Variants in RMI1 observed in about 807,000 individuals in gnomAD.
RMI1 encodes the protein recQ-mediated genome instability protein 1.
Under a neutral mutation model 46.7 loss-of-function variants are expected in RMI1, and 36 were observed. The observed-to-expected ratio is 0.77, with a 90% CI of 0.59 to 1.02. The LOEUF (loss-of-function observed/expected upper bound fraction) is 1.02. Ranked by LOEUF, RMI1 falls within the 50% of genes least tolerant of loss-of-function variation. The pLI is 0.00. For missense variants in RMI1, 676 were observed against 713.7 expected (o/e 0.95, Z 0.60); for synonymous variants, 250 against 252.9 (o/e 0.99, Z 0.11).
Position 84,002,388 on chromosome 9 carries a change from AG to A in RMI1, c.1403del (p.Ser468IlefsTer4), listed in dbSNP as rs1181040616. The A allele has an allele frequency of 1.9e-6, 3 of 1,611,722 alleles. No homozygotes were observed. Among genetic ancestry groups the A allele is most frequent in the Non-Finnish European group, 2.5e-6 (3 of 1,178,408 alleles). ...TAATGAAAATGATTGTAATTTACAG[AG>A]TTGTTCTTTAAGATCATCAGAGAAT... ...ISNENDCNLQ[S>X]CSLRSSENSI... On this transcript the variant is annotated frameshift_variant, in exon 3 of 3. Transcript: ENST00000445877. LOFTEE classifies it high-confidence loss of function.
intron 1 of RMI1, 165 bp downstream of exon 1, chr9:83,981,056 C>G (rs1274878244): frequency 6.6e-6 from 1 of 152,306 alleles, no homozygotes; most frequent in African/African-American, 2.4e-5. Flanking sequence ...TTCGGAAACC[C>G]GTTGTTTGTA....
Position 84,002,747 on chromosome 9 carries a change from T to C in RMI1, c.1761T>C (p.Asp587=), listed in dbSNP as rs140827378. The change falls in exon 3 of 3, where the codon GAT becomes GAC. Residue 587 remains aspartate, a synonymous_variant. Coordinates refer to ENST00000445877, the MANE Select transcript of RMI1 (RefSeq NM_001358291.2). ...AGAAATGTCAAAGAGATCTAATAGA[T>C]TTGTGCTGTCTAATGACTATTTCAT... ...GLQKCQRDLI[D]LCCLMTISFN... is the part of the protein sequence containing the mutation. The C allele has an allele frequency of 3.7e-6, 6 of 1,613,724 alleles. No individual in the cohort carries two copies. The African/African-American group carries it at 5.3e-5, about 14-fold the overall frequency.
In RMI1 at chr9:83,985,958, G is replaced by A. The variant is rs139876358; in HGVS notation, c.-126+5067G>A. On this transcript the variant is annotated intron_variant, in intron 1 of 2. Transcript: ENST00000445877. The stretch of plus-strand genomic sequence containing the variant: ...CGGCAGGCTGAGTTTGCAGTGAGGC[G>A]AGATTGCACCACCGCACTCCAGCCT... Among the ~76,000 whole-genome samples, 1,213 of 152,048 alleles carry A rather than the reference G, an allele frequency of 8.0e-3. 31 individuals are homozygous for A. Among genetic ancestry groups the A allele is most frequent in the East Asian group, 0.034 (174 of 5,168 alleles).
rs1202231185 is a variant in RMI1 at position 84,001,297 on chromosome 9, A to G, written c.311A>G (p.Gln104Arg). Residue 104 changes from glutamine to arginine, a missense_variant, in exon 3 of 3, where the codon CAG (glutamine) becomes CGG (arginine). Gln to Arg is a conservative substitution (Grantham distance 43). Transcript: ENST00000445877. ...AGTCAGCCTGCATACTCCCAGATAC[A>G]GAAGTTGAGAGGAAAGAATACAACA... ...DVSQPAYSQI[Q>R]KLRGKNTTND... is the part of the protein sequence containing the mutation. 1.9e-6 allele frequency: 3 copies of G among 1,614,198 alleles called. No homozygotes were observed. Among genetic ancestry groups the G allele is most frequent in the Non-Finnish European group, 8.5e-7 (1 of 1,180,002 alleles).
intron 1 of RMI1, among the ~76,000 whole-genome samples, chr9:83,989,133 A>G (rs901258665): frequency 5.9e-5 from 9 of 152,220 alleles, no homozygotes; most frequent in African/African-American, 2.2e-4. Flanking sequence ...TGCCAGGCTT[A>G]TAGGTGTGAG....
chr9:83,992,526 A>G (rs1375434252), intron 1 of RMI1, among the ~76,000 whole-genome samples: 1 of 151,812 alleles, frequency 6.6e-6, no homozygotes, highest in Non-Finnish European at 1.5e-5. Context: ...AGACTTGTTT[A>G]TTGTATGAGA....
At chr9:83,990,357 C>A (rs895758580) in intron 1 of RMI1, among the ~76,000 whole-genome samples, 1 of 151,990 alleles carries the variant, frequency 6.6e-6, no homozygotes, top group South Asian at 2.1e-4. Flanking sequence ...ACTAAAAATA[C>A]AAAAATTAGC....
intron 1 of RMI1, among the ~76,000 whole-genome samples, chr9:83,982,489 C>T (rs909248485): frequency 5.3e-5 from 8 of 151,954 alleles, no homozygotes; most frequent in African/African-American, 1.9e-4. Context: ...TTGTGAAACC[C>T]CGTCTCTACT....
upstream of RMI1, chr9:83,980,385 C>A (rs1298570912): frequency 6.6e-6 from 1 of 152,634 alleles, no homozygotes; most frequent in Non-Finnish European, 1.5e-5. Flanking sequence ...TCCCTTCGGG[C>A]TGGGAGGCCA....
intron 1 of RMI1, among the ~76,000 whole-genome samples, chr9:83,992,228 C>T (rs1381156725): frequency 6.6e-6 from 1 of 152,160 alleles, no homozygotes; most frequent in Non-Finnish European, 1.5e-5. Flanking sequence ...ACTGTTTTGT[C>T]CGTTGCTTGT....
chr9:83,996,497 G>T (rs1337783162), intron 1 of RMI1, among the ~76,000 whole-genome samples: 8 of 152,190 alleles, frequency 5.3e-5, no homozygotes, highest in Non-Finnish European at 7.3e-5. Flanking sequence ...TTTGCCATCT[G>T]TTCCTGACCC....
chr9:83,989,014 G>A (rs972925649), intron 1 of RMI1, among the ~76,000 whole-genome samples: 2 of 152,038 alleles, frequency 1.3e-5, no homozygotes, highest in Admixed American at 1.3e-4. Flanking sequence ...ATGCCACCAT[G>A]CCCACCTAAT....
In RMI1 at chr9:84,002,695, A is replaced by G; in HGVS notation, c.1709A>G (p.Gln570Arg). The G allele has an allele frequency of 6.2e-7, 1 of 1,613,996 alleles. No individual in the cohort carries two copies. The highest frequency in any genetic ancestry group is 8.5e-7 in the Non-Finnish European group (1 of 1,179,940). ...AAACAGTCAAAAAAGGATCCTCTTC[A>G]ATACCAAAAGTTCCTGGAAGGGTTG... Reference protein sequence around the residue: ...EMKQSKKDPLQYQKFLEGLQK... With the variant: ...EMKQSKKDPLRYQKFLEGLQK... The change falls in exon 3 of 3, where the codon CAA becomes CGA. Residue 570 changes from glutamine to arginine, a missense_variant. By Grantham distance (43) the Gln-to-Arg change is conservative. Transcript: ENST00000445877.
chr9:83,994,949 TAG>T (rs1038522883), intron 1 of RMI1, among the ~76,000 whole-genome samples: 38 of 151,934 alleles, frequency 2.5e-4, no homozygotes, highest in African/African-American at 9.0e-4. Context: ...TGATTAGCAG[TAG>T]AGAGTTTTTT....
At chr9:83,987,305 G>A (rs1171348485) in intron 1 of RMI1, among the ~76,000 whole-genome samples, 2 of 152,104 alleles carry the variant, frequency 1.3e-5, no homozygotes, top group Admixed American at 6.5e-5. Context: ...CACCCGCCTC[G>A]GCCTCCCAAA....
At chr9:83,990,053 G>C (rs1333613448) in intron 1 of RMI1, among the ~76,000 whole-genome samples, 1 of 152,216 alleles carries the variant, frequency 6.6e-6, no homozygotes. Flanking sequence ...TGTAACTGGA[G>C]AACATTATGT....
intron 1 of RMI1, among the ~76,000 whole-genome samples, chr9:83,996,039 A>G (rs1364383873): frequency 6.6e-6 from 1 of 151,930 alleles, no homozygotes; most frequent in African/African-American, 2.4e-5. Flanking sequence ...CTGTCTGCTG[A>G]TTGGTAGTAA....
At position 84,001,801 on chromosome 9, in the gene RMI1, G is replaced by A. The variant is rs778465047; in HGVS notation, c.815G>A (p.Gly272Asp). Residue 272 changes from glycine (G) to aspartate (D), a missense_variant, in exon 3 of 3, where the codon GGT (glycine) becomes GAT (aspartate). Coordinates refer to ENST00000445877, the MANE Select transcript of RMI1 (RefSeq NM_001358291.2). Reference sequence around the variant, plus strand: ...TCCTCAGAACGATGTTTCACCACAGGTAGTTCCTCAAATACCATTCCCACA... The same window carrying A: ...TCCTCAGAACGATGTTTCACCACAGATAGTTCCTCAAATACCATTCCCACA... Reference protein sequence around the residue: ...DTSSERCFTTGSSSNTIPTRQ... With the variant: ...DTSSERCFTTDSSSNTIPTRQ... 1.4e-5 allele frequency: 22 copies of A among 1,613,996 alleles called. No homozygotes were observed. The highest frequency in any genetic ancestry group is 2.2e-5 in the East Asian group (1 of 44,864).
chr9:83,998,537 G>A (rs1216726700), intron 1 of RMI1, among the ~76,000 whole-genome samples: 2 of 152,148 alleles, frequency 1.3e-5, no homozygotes, highest in African/African-American at 2.4e-5. Context: ...GCAGTGATAA[G>A]GAATCCATGT....
Sources: allele counts gnomAD v4.1 joint callset (sites outside exome capture counted in the v4.1 genomes callset), GRCh38; gene constraint gnomAD v4.1.1; transcripts MANE v1.5; gene names NCBI Gene and HGNC (gene_info 2026-07-23, HGNC 2026-07-21).